The following ACOX1 variants were observed in gnomAD, a reference collection of about 807,000 sequenced individuals.
ACOX1 encodes the protein acyl-CoA oxidase 1.
ACOX1 carries 41 observed loss-of-function variants against 75.5 expected under a neutral mutation model. The ratio of observed to expected loss-of-function variants is 0.54; its 90% CI spans 0.42 to 0.70. The LOEUF (loss-of-function observed/expected upper bound fraction) is 0.70. Ranked by LOEUF, ACOX1 falls within the 30% of genes least tolerant of loss-of-function variation. The pLI, the probability that ACOX1 is intolerant of heterozygous loss-of-function variation, is 0.00. For synonymous variants in ACOX1, 303 were observed against 298.8 expected (o/e 1.01, Z -0.15); for missense variants, 630 against 837.5 (o/e 0.75, Z 3.06).
rs574055678 is a variant in ACOX1, at chr17:75,954,032, C to T, written c.775-412G>A. 3.8e-3 allele frequency among the ~76,000 whole-genome samples: 575 copies of T among 152,192 alleles called. 2 individuals are homozygous for T. Among genetic ancestry groups the T allele is most frequent in the Middle Eastern group, 0.01 (3 of 294 alleles). ...AGGAATTCGAGACCAGCCTGACCAA[C>T]ATGGTGAAACCCCATCTCTACTAAA... On this transcript the variant is annotated intron_variant, in intron 6 of 13. Coordinates refer to ENST00000293217, the MANE Select transcript of ACOX1 (RefSeq NM_004035.7).
intron 12 of ACOX1, 36 bp from the exon 13 acceptor site, chr17:75,948,493 T>G: frequency 2.0e-6 from 3 of 1,520,766 alleles, no homozygotes; most frequent in Non-Finnish European, 2.7e-6. Context: ...AAAACATATA[T>G]ATGTATATAG....
intron 2 of ACOX1, chr17:75,973,369 C>T: frequency 1.9e-6 from 1 of 521,104 alleles, no homozygotes; most frequent in East Asian, 3.5e-5. Context: ...TTCCCCGCTG[C>T]ACTGTAAACC....
intron 2 of ACOX1, among the ~76,000 whole-genome samples, chr17:75,975,070 A>AAAAGAAAG (rs1555619951): frequency 6.9e-6 from 1 of 145,128 alleles, no homozygotes; most frequent in African/African-American, 2.6e-5. Flanking sequence ...AAAAAAAAAA[A>AAAAGAAAG]AAAGAAAGAA....
chr17:75,974,148 T>G (rs916644827), intron 2 of ACOX1, among the ~76,000 whole-genome samples: 4 of 148,102 alleles, frequency 2.7e-5, no homozygotes, highest in African/African-American at 9.8e-5. Flanking sequence ...TGTGTGTGGT[T>G]TTTTTTTTTT....
Position 75,959,120 on chromosome 17 carries a change from G to A in ACOX1, c.430+1095C>T, listed in dbSNP as rs183486357. ...ACAAAAATACTGTACTAAAGCAAAC[G>A]TTGGGAACCTTTTACCAATCTGCTT... On this transcript the variant is annotated intron_variant, in intron 3 of 13. Transcript: ENST00000293217. 1.9e-4 allele frequency among the ~76,000 whole-genome samples: 29 copies of A among 152,268 alleles called. No individual in the cohort carries two copies. In the East Asian group the frequency reaches 1.9e-3, roughly 10 times the overall value.
intron 3 of ACOX1, among the ~76,000 whole-genome samples, chr17:75,959,465 T>G (rs1416467431): frequency 1.3e-5 from 2 of 152,116 alleles, no homozygotes; most frequent in East Asian, 3.8e-4. Flanking sequence ...AAATACACAC[T>G]AGACCAGTTT....
chr17:75,968,651 A>T (rs906958832), intron 2 of ACOX1, among the ~76,000 whole-genome samples: 21 of 149,234 alleles, frequency 1.4e-4, no homozygotes, highest in Non-Finnish European at 3.0e-4. Context: ...GGCCATGTGC[A>T]GTGGCTCATG....
chr17:75,948,100 C>T, intron 13 of ACOX1, 151 bp downstream of exon 13: 1 of 767,842 alleles, frequency 1.3e-6, no homozygotes, highest in Non-Finnish European at 2.2e-6. Context: ...AACCCAGTTC[C>T]CTTCTGAACC....
rs1380289263 is a variant in ACOX1, at chr17:75,975,221, T to A, written c.269+3313A>T. ...TTGCCCAGGCTGGAGTACAGTGGTG[T>A]GATCCCAGCTCACGGCAACCTCTGC... On this transcript the variant is annotated intron_variant, in intron 2 of 13. Transcript: ENST00000293217. 2.0e-5 allele frequency among the ~76,000 whole-genome samples: 3 copies of A among 151,954 alleles called. No individual in the cohort carries two copies. In the East Asian group the frequency reaches 5.8e-4, roughly 29 times the overall value.
chr17:75,975,712 G>T lies in ACOX1; in HGVS notation c.269+2822C>A, dbSNP rs972481150. Among the ~76,000 whole-genome samples the T allele has an allele frequency of 3.9e-5, 6 of 152,202 alleles. No homozygotes were observed. The East Asian group carries it at 9.7e-4, about 25-fold the overall frequency. The stretch of plus-strand genomic sequence containing the variant: ...TAATCCCAGCATTTTGGGAGGAAGG[G>T]GCGGGTGGATCACAAGGCCAGGAGT... On this transcript the variant is annotated intron_variant, in intron 2 of 13. Transcript: ENST00000293217.
In ACOX1 at chr17:75,978,627, C is replaced by T; in HGVS notation, c.176G>A (p.Arg59His). The T allele has an allele frequency of 6.2e-7, 1 of 1,614,212 alleles. No homozygotes were observed. The highest frequency in any genetic ancestry group is 2.2e-5 in the East Asian group (1 of 44,894). ...ACTTTTCCTGACAGCCACCTCATAACGCTGGCTGCGAGTGAGGAAGTTCAA... is the reference window on the plus strand; with the variant it reads ...ACTTTTCCTGACAGCCACCTCATAATGCTGGCTGCGAGTGAGGAAGTTCAA... ...EDLNFLTRSQ[R>H]YEVAVRKSAI... Residue 59 changes from arginine (R) to histidine (H), a missense_variant, in exon 2 of 14, where the codon CGT becomes CAT. Arg to His is a conservative substitution (Grantham distance 29, BLOSUM62 0). This residue lies in a region of ACOX1 where 390 missense variants were observed against 574.9 expected (regional missense o/e 0.68). Coordinates refer to ENST00000293217, the MANE Select transcript of ACOX1 (RefSeq NM_004035.7). The surrounding 1 kb of genome is among the most constrained non-coding windows in gnomAD (Gnocchi z 4.2).
intron 2 of ACOX1, among the ~76,000 whole-genome samples, chr17:75,974,695 C>CA (rs2066027917): frequency 6.6e-6 from 1 of 152,116 alleles, no homozygotes. Context: ...GATAGGCTGC[C>CA]ATTGCAGTGC....
intron 7 of ACOX1, among the ~76,000 whole-genome samples, chr17:75,952,490 C>T (rs142226845): frequency 0.12 from 18,366 of 151,562 alleles, 1,692 homozygotes; most frequent in African/African-American, 0.26. Flanking sequence ...CGTGGGGTTT[C>T]TCCATGTTGG....
chr17:75,949,101 G>C, intron 12 of ACOX1, 116 bp downstream of exon 12: 1 of 1,198,522 alleles, frequency 8.3e-7, no homozygotes. Context: ...AGTGATCACC[G>C]TACCCGCCTT....
chr17:75,958,632 C>T (rs1285081692), intron 3 of ACOX1, among the ~76,000 whole-genome samples: 3 of 151,704 alleles, frequency 2.0e-5, no homozygotes, highest in African/African-American at 7.3e-5. Context: ...CACGGCGAAA[C>T]CCCGTCTCTA....
chr17:75,977,563 C>G (rs918194735), intron 2 of ACOX1, among the ~76,000 whole-genome samples: 2 of 150,548 alleles, frequency 1.3e-5, no homozygotes, highest in Non-Finnish European at 3.0e-5. Flanking sequence ...GAGACTCCGT[C>G]TCAAAAAACA....
chr17:75,968,300 G>C (rs1260250348), intron 2 of ACOX1, among the ~76,000 whole-genome samples: 1 of 147,942 alleles, frequency 6.8e-6, no homozygotes, highest in African/African-American at 2.5e-5. Context: ...GCCGGGCGTA[G>C]TGGCGGGCGC....
At chr17:75,968,175 G>T (rs1288242314) in intron 2 of ACOX1, among the ~76,000 whole-genome samples, 3 of 150,582 alleles carry the variant, frequency 2.0e-5, no homozygotes. Context: ...AGTGGCTCAC[G>T]CCTGTAATCC....
chr17:75,965,337 C>CAAAAA (rs11293371), intron 2 of ACOX1, among the ~76,000 whole-genome samples: 2 of 81,698 alleles, frequency 2.4e-5, no homozygotes, highest in East Asian at 4.2e-4. Context: ...GACTCTGTCT[C>CAAAAA]AAAAAAAAAA....
Sources: gnomAD v4.1 joint callset for allele counts (sites outside exome capture counted in the v4.1 genomes callset) on GRCh38, gnomAD v4.1.1 for gene constraint, gnomAD v4.1.1 regional missense constraint, Gnocchi (gnomAD v3.1) non-coding constraint, MANE v1.5 for transcripts, NCBI Gene and HGNC (gene_info 2026-07-23, HGNC 2026-07-21) for gene names.